Variants in CEP128 observed in about 807,000 individuals in gnomAD.
The protein encoded by CEP128 is centrosomal protein 128kDa.
In CEP128, 132 loss-of-function variants were observed where a neutral mutation model predicts 156.7. The ratio of observed to expected loss-of-function variants is 0.84; its 90% CI spans 0.73 to 0.97. The LOEUF (loss-of-function observed/expected upper bound fraction) is 0.97. Among genes scored for constraint, CEP128 ranks in the 50% least tolerant of loss-of-function variants. The probability of loss-of-function intolerance (pLI) is 0.00; values close to 1 mark genes in which losing one functional copy is unlikely to be tolerated. For synonymous variants in CEP128, 469 were observed against 448.9 expected (o/e 1.04, Z -0.57); for missense variants, 1,252 against 1,281.9 (o/e 0.98, Z 0.36).
chr14:80,535,475 T>C (rs1012461205), intron 21 of CEP128, among the ~76,000 whole-genome samples: 2 of 152,252 alleles, frequency 1.3e-5, no homozygotes, highest in African/African-American at 4.8e-5. Context: ...GATGTGTCCT[T>C]GATAGGCTTA....
chr14:80,755,367 C>G (rs1197540139), intron 18 of CEP128, among the ~76,000 whole-genome samples: 1 of 152,148 alleles, frequency 6.6e-6, no homozygotes, highest in Non-Finnish European at 1.5e-5. Context: ...CTGGAGAACC[C>G]TGACTAATAC....
intron 13 of CEP128, among the ~76,000 whole-genome samples, chr14:80,799,811 A>G (rs746524124): frequency 6.6e-6 from 1 of 151,952 alleles, no homozygotes; most frequent in Non-Finnish European, 1.5e-5. Context: ...CTGCTCTCGA[A>G]CCCTGTTTTC....
intron 4 of CEP128, among the ~76,000 whole-genome samples, chr14:80,907,514 C>T (rs777340965): frequency 3.3e-5 from 5 of 151,950 alleles, no homozygotes; most frequent in South Asian, 2.1e-4. Context: ...AAAAATTAGC[C>T]GGGCATGATG....
In CEP128 at chr14:80,555,235, A is replaced by T. The variant is rs930062878; in HGVS notation, c.2880+4044T>A. ...AACAAAAACTTACTAGGTATCTTCA[A>T]TGAAGGCCTAGTTTTTGCCTAGCAC... is the stretch of plus-strand genomic sequence containing the variant. On this transcript the variant is annotated intron_variant, in intron 21 of 24. Transcript: ENST00000555265. Among the ~76,000 whole-genome samples the T allele has an allele frequency of 5.8e-4, 88 of 152,266 alleles. 1 individual carries two copies. Among genetic ancestry groups the T allele is most frequent in the African/African-American group, 2.0e-3 (85 of 41,572 alleles).
intron 21 of CEP128, among the ~76,000 whole-genome samples, chr14:80,554,365 G>T (rs1161281815): frequency 2.6e-5 from 4 of 151,978 alleles, no homozygotes; most frequent in African/African-American, 9.7e-5. Flanking sequence ...TAGCATAAAC[G>T]CTATGCTGAC....
At chr14:80,523,247 A>G (rs1888823477) in intron 23 of CEP128, among the ~76,000 whole-genome samples, 1 of 152,216 alleles carries the variant, frequency 6.6e-6, no homozygotes, top group Non-Finnish European at 1.5e-5. Flanking sequence ...GTCAGAATCT[A>G]CAACTGAAAT....
At chr14:80,679,438 C>T (rs551269735) in intron 19 of CEP128, among the ~76,000 whole-genome samples, 1 of 152,228 alleles carries the variant, frequency 6.6e-6, no homozygotes, top group South Asian at 2.1e-4. Flanking sequence ...AACAGCTGCT[C>T]TGGGAGTGAC....
intron 17 of CEP128, among the ~76,000 whole-genome samples, chr14:80,757,926 T>C (rs577483547): frequency 2.6e-5 from 4 of 152,336 alleles, no homozygotes; most frequent in Non-Finnish European, 4.4e-5. Context: ...CCAATTCTCA[T>C]ATCCTCCCTG....
chr14:80,693,436 ACTTTATT>A (rs1433329120), intron 19 of CEP128, among the ~76,000 whole-genome samples: 4 of 152,290 alleles, frequency 2.6e-5, no homozygotes, highest in South Asian at 2.1e-4. Context: ...CAAAAAATTG[ACTTTATT>A]CTTTAATGAG....
intron 2 of CEP128, among the ~76,000 whole-genome samples, chr14:80,938,245 ATTT>A (rs35236692): frequency 3.4e-5 from 4 of 116,998 alleles, no homozygotes; most frequent in African/African-American, 6.5e-5. Flanking sequence ...CAGTGTTAGT[ATTT>A]TTTTTTTTTT....
At chr14:80,831,315 G>A (rs373043400) in intron 12 of CEP128, 21 bp from the exon 13 acceptor site, 2 of 1,611,974 alleles carry the variant, frequency 1.2e-6, no homozygotes, top group Non-Finnish European at 1.7e-6. Context: ...AAAATGTAAG[G>A]CTCAAGGGTT....
At chr14:80,741,946 T>C (rs1898853364) in intron 19 of CEP128, among the ~76,000 whole-genome samples, 1 of 151,712 alleles carries the variant, frequency 6.6e-6, no homozygotes, top group African/African-American at 2.4e-5. Context: ...TCTTGCTTTG[T>C]TTTTAAGATC....
At chr14:80,894,033 G>A (rs1314652420) in intron 8 of CEP128, among the ~76,000 whole-genome samples, 1 of 151,948 alleles carries the variant, frequency 6.6e-6, no homozygotes, top group Non-Finnish European at 1.5e-5. Flanking sequence ...ATCTAAATGT[G>A]AAAGGTAGAA....
chr14:80,816,257 G>C (rs1356772085), intron 13 of CEP128, among the ~76,000 whole-genome samples: 1 of 151,126 alleles, frequency 6.6e-6, no homozygotes, highest in Non-Finnish European at 1.5e-5. Context: ...TAGTCAAAAA[G>C]ACACAGTTTC....
chr14:80,751,823 G>A (rs1265457616), intron 18 of CEP128, among the ~76,000 whole-genome samples: 1 of 152,000 alleles, frequency 6.6e-6, no homozygotes, highest in African/African-American at 2.4e-5. Flanking sequence ...AGAGATGGTG[G>A]TTTCGTCATG....
At chr14:80,708,663 CAAATT>C (rs1301319044) in intron 19 of CEP128, among the ~76,000 whole-genome samples, 1 of 152,084 alleles carries the variant, frequency 6.6e-6, no homozygotes, top group Non-Finnish European at 1.5e-5. Flanking sequence ...GCTATGCAAT[CAAATT>C]AGTCAATCTT....
chr14:80,790,928 T>C (rs908962773), intron 14 of CEP128, among the ~76,000 whole-genome samples: 11 of 152,280 alleles, frequency 7.2e-5, no homozygotes, highest in African/African-American at 2.6e-4. Context: ...CAATATGTTA[T>C]ATTTGTAAAT....
chr14:80,607,611 C>G (rs369920169), intron 19 of CEP128, among the ~76,000 whole-genome samples: 2 of 152,042 alleles, frequency 1.3e-5, no homozygotes, highest in African/African-American at 4.8e-5. Flanking sequence ...TGCAACTTAA[C>G]AAAGTTGGGC....
chr14:80,570,531 G>A (rs76712108), intron 20 of CEP128, among the ~76,000 whole-genome samples: 1,775 of 152,218 alleles, frequency 0.012, 34 homozygotes, highest in African/African-American at 0.041. Context: ...TGAAGTCCAT[G>A]TTGTGATTAA....
Sources: allele counts gnomAD v4.1 joint callset (sites outside exome capture counted in the v4.1 genomes callset), GRCh38; gene constraint gnomAD v4.1.1; transcripts MANE v1.5; gene names NCBI Gene and HGNC (gene_info 2026-07-23, HGNC 2026-07-21).